Variants in TNFAIP8 observed in about 807,000 individuals in gnomAD.
TNFAIP8 encodes TNF alpha induced protein 8.
TNFAIP8 carries 7 observed loss-of-function variants against 13.3 expected under a neutral mutation model. That is an observed-to-expected ratio of 0.52 (90% CI 0.30 to 0.99). TNFAIP8 has a LOEUF of 0.99. Among genes scored for constraint, TNFAIP8 ranks in the 50% least tolerant of loss-of-function variants. TNFAIP8 has a pLI of 0.07. For missense variants in TNFAIP8, 258 were observed against 236.9 expected, an observed-to-expected ratio of 1.09 and a Z score of -0.58; for synonymous variants, 94 against 87.6, an observed-to-expected ratio of 1.07 and a Z score of -0.41.
chr5:119,365,866 C>G (rs1468149979), intron 1 of TNFAIP8, among the ~76,000 whole-genome samples: 1 of 151,944 alleles, frequency 6.6e-6, no homozygotes, highest in Admixed American at 6.6e-5. Flanking sequence ...GAGAGTTTTC[C>G]AAGAGGTAGA....
At chr5:119,324,368 T>TGGG (rs1421562327) in intron 1 of TNFAIP8, among the ~76,000 whole-genome samples, 4 of 144,170 alleles carry the variant, frequency 2.8e-5, no homozygotes, top group Admixed American at 2.8e-4. Flanking sequence ...TGGGAGCTCC[T>TGGG]GGGTGAGGTT....
intron 1 of TNFAIP8, among the ~76,000 whole-genome samples, chr5:119,295,182 G>A (rs13164306): frequency 7.2e-3 from 191 of 26,354 alleles, no homozygotes; most frequent in African/African-American, 0.06. Context: ...TAGGTCTAAC[G>A]TTTAGTCTAA....
rs1277846515 is a variant in TNFAIP8 at position 119,398,013 on chromosome 5, G to A, written c.*4632G>A. 2 of 152,228 alleles carry A rather than the reference G, an allele frequency of 1.3e-5. No individual in the cohort carries two copies. The highest frequency in any genetic ancestry group is 2.9e-5 in the Non-Finnish European group (2 of 68,044). The allele number at this position is 152,228 out of a possible 1,614,324, so 9.4% of individuals were successfully genotyped here. ...CTGCTGAGCACTGAGAAAGGATATG[G>A]ACAAGTCAGTCAGCATTCACAATTA... On this transcript the variant is annotated 3_prime_UTR_variant, in exon 2 of 2. Coordinates refer to ENST00000504771, the MANE Select transcript of TNFAIP8 (RefSeq NM_014350.4).
chr5:119,304,764 T>A (rs751968768), intron 1 of TNFAIP8, among the ~76,000 whole-genome samples: 2 of 152,274 alleles, frequency 1.3e-5, no homozygotes, highest in Non-Finnish European at 1.5e-5. Context: ...ATCTTCTATA[T>A]CAACTGTGTA....
chr5:119,361,227 C>T (rs1289257893), intron 1 of TNFAIP8, among the ~76,000 whole-genome samples: 1 of 143,706 alleles, frequency 7.0e-6, no homozygotes, highest in Non-Finnish European at 1.5e-5. Flanking sequence ...GGGGCTGCAG[C>T]GCACTGCCCC....
At chr5:119,307,224 C>A (rs1271921580) in intron 1 of TNFAIP8, among the ~76,000 whole-genome samples, 3 of 152,112 alleles carry the variant, frequency 2.0e-5, no homozygotes, top group Non-Finnish European at 4.4e-5. Context: ...ATTCTGTATT[C>A]CAAGTCCACA....
intron 1 of TNFAIP8, among the ~76,000 whole-genome samples, chr5:119,280,013 T>TCAGCACA (rs1207816772): frequency 7.2e-4 from 109 of 152,342 alleles, no homozygotes; most frequent in Non-Finnish European, 1.4e-3. Context: ...GCTACTGTGC[T>TCAGCACA]GATATGCCTA....
At chr5:119,353,883 C>T (rs1294127606), upstream of TNFAIP8, among the ~76,000 whole-genome samples, 2 of 152,180 alleles carry the variant, frequency 1.3e-5, no homozygotes, top group Non-Finnish European at 2.9e-5. Context: ...TAATCATCAC[C>T]TTGAAAAGGT....
chr5:119,390,406 T>A (rs1189435787), intron 1 of TNFAIP8, among the ~76,000 whole-genome samples: 1 of 152,200 alleles, frequency 6.6e-6, no homozygotes, highest in Non-Finnish European at 1.5e-5. Context: ...CCATTTCTTT[T>A]GACATAAATT....
intron 1 of TNFAIP8, among the ~76,000 whole-genome samples, chr5:119,371,994 G>T (rs369410991): frequency 6.6e-6 from 1 of 151,738 alleles, no homozygotes; most frequent in Admixed American, 6.6e-5. Flanking sequence ...AAAATTAGCC[G>T]GGCGTGGTGG....
intron 1 of TNFAIP8, among the ~76,000 whole-genome samples, chr5:119,315,424 A>G (rs867373016): frequency 7.2e-5 from 11 of 152,100 alleles, no homozygotes; most frequent in South Asian, 2.1e-4. Context: ...TGGGAGAAGA[A>G]TCCTTATTAT....
intron 1 of TNFAIP8, among the ~76,000 whole-genome samples, chr5:119,308,259 T>C (rs562736720): frequency 6.2e-4 from 94 of 152,210 alleles, no homozygotes; most frequent in Non-Finnish European, 9.8e-4. Context: ...CTGCCGCCTG[T>C]GAACTCTCCT....
intron 1 of TNFAIP8, among the ~76,000 whole-genome samples, chr5:119,278,035 C>A (rs752697935): frequency 6.6e-6 from 1 of 152,140 alleles, no homozygotes; most frequent in Non-Finnish European, 1.5e-5. Context: ...GGGAGATACA[C>A]CTTCAGACCA....
intron 1 of TNFAIP8, among the ~76,000 whole-genome samples, chr5:119,340,703 T>C (rs1248148940): frequency 1.3e-5 from 2 of 152,172 alleles, no homozygotes; most frequent in African/African-American, 4.8e-5. Context: ...TGGTCCTCCA[T>C]ATCCGGACAT....
intron 1 of TNFAIP8, among the ~76,000 whole-genome samples, chr5:119,343,384 G>A (rs1016137555): frequency 7.2e-5 from 11 of 152,046 alleles, no homozygotes; most frequent in Admixed American, 2.6e-4. Context: ...ATAGATTGTC[G>A]AAAATTACTA....
intron 1 of TNFAIP8, among the ~76,000 whole-genome samples, chr5:119,331,697 C>T (rs1336782194): frequency 1.3e-5 from 2 of 152,208 alleles, no homozygotes; most frequent in African/African-American, 4.8e-5. Context: ...CATAGGACTG[C>T]AGGATTCTTC....
chr5:119,283,240 C>G (rs893266911), intron 1 of TNFAIP8, among the ~76,000 whole-genome samples: 5 of 152,202 alleles, frequency 3.3e-5, no homozygotes, highest in Admixed American at 2.6e-4. Context: ...CTTTCATCCT[C>G]TTGAGGATCC....
chr5:119,324,407 A>G (rs1158689629), intron 1 of TNFAIP8, among the ~76,000 whole-genome samples: 1 of 149,714 alleles, frequency 6.7e-6, no homozygotes, highest in Non-Finnish European at 1.5e-5. Context: ...CAGAACTCCT[A>G]TCTTTAACTT....
At position 119,394,064 on chromosome 5, in the gene TNFAIP8, G is replaced by A. The variant is rs934019453; in HGVS notation, c.*683G>A. 1 of 152,162 alleles carries A rather than the reference G, an allele frequency of 6.6e-6. No homozygotes were observed. Among genetic ancestry groups the A allele is most frequent in the Admixed American group, 6.5e-5 (1 of 15,276 alleles). The allele number at this position is 152,162 out of a possible 1,614,324, so 9.4% of individuals were successfully genotyped here. ...AATGATACTTAAATTTCTCAGAAAT[G>A]TAATGGTGTGTCATTGCCTTGAAAT... On this transcript the variant is annotated 3_prime_UTR_variant, in exon 2 of 2. Transcript: ENST00000504771.
Sources: allele counts gnomAD v4.1 joint callset (sites outside exome capture counted in the v4.1 genomes callset), GRCh38; gene constraint gnomAD v4.1.1; transcripts MANE v1.5; gene names NCBI Gene and HGNC (gene_info 2026-07-23, HGNC 2026-07-21).